MED12L: variants seen among roughly 807,000 people sequenced by gnomAD.
MED12L encodes the protein mediator complex subunit 12L, also known as mediator of RNA polymerase II transcription subunit 12-like protein.
In MED12L, 60 loss-of-function variants were observed where a neutral mutation model predicts 281.3. The ratio of observed to expected loss-of-function variants is 0.21; its 90% CI spans 0.17 to 0.26. MED12L has a LOEUF of 0.26. Among genes scored for constraint, MED12L ranks in the 10% least tolerant of loss-of-function variants. The pLI is 1.00. For synonymous variants in MED12L, 974 were observed against 987.2 expected (o/e 0.99, Z 0.25); for missense variants, 2,146 against 2,680.9 (o/e 0.80, Z 4.41).
At chr3:151,099,409 C>T (rs1277732366) in intron 2 of MED12L, among the ~76,000 whole-genome samples, 1 of 151,880 alleles carries the variant, frequency 6.6e-6, no homozygotes, top group Non-Finnish European at 1.5e-5. Context: ...AATACATATT[C>T]ATTAAAAAAT....
At chr3:151,124,870 C>A (rs556743924) in intron 4 of MED12L, among the ~76,000 whole-genome samples, 6 of 152,342 alleles carry the variant, frequency 3.9e-5, no homozygotes, top group African/African-American at 1.2e-4. Context: ...TTCATTAACT[C>A]TCACCTGTTC....
At chr3:151,259,926 TC>T (rs1738538506) in intron 16 of MED12L, among the ~76,000 whole-genome samples, 1 of 152,246 alleles carries the variant, frequency 6.6e-6, no homozygotes. Flanking sequence ...GTATTTTAAT[TC>T]TAAGTTTGGA....
At chr3:151,254,353 C>A (rs1386562497) in intron 16 of MED12L, among the ~76,000 whole-genome samples, 1 of 152,190 alleles carries the variant, frequency 6.6e-6, no homozygotes, top group Non-Finnish European at 1.5e-5. Context: ...TTATTTATAG[C>A]AGAGGCTTAA....
intron 16 of MED12L, among the ~76,000 whole-genome samples, chr3:151,299,337 T>TTCC (rs1745543453): frequency 6.7e-6 from 1 of 148,862 alleles, no homozygotes; most frequent in Non-Finnish European, 1.5e-5. Context: ...TCTTTCCTTC[T>TTCC]TTCTTTCCTT....
chr3:151,376,896 A>G (rs200367171), intron 29 of MED12L, 22 bp downstream of exon 29: 48 of 1,612,932 alleles, frequency 3.0e-5, no homozygotes, highest in Non-Finnish European at 4.1e-5. Context: ...TTGAAAGCTT[A>G]TCTCTGTATG....
intron 2 of MED12L, among the ~76,000 whole-genome samples, chr3:151,115,693 A>G (rs1422916906): frequency 6.6e-6 from 1 of 151,834 alleles, no homozygotes; most frequent in African/African-American, 2.4e-5. Flanking sequence ...TTTCGGTGAG[A>G]TTTTTGCTCA....
chr3:151,348,026 G>A lies in MED12L; in HGVS notation c.2251-2033G>A, dbSNP rs76987902. Among the ~76,000 whole-genome samples the A allele has an allele frequency of 4.1e-3, 623 of 152,184 alleles. 6 individuals are homozygous for A. The highest frequency in any genetic ancestry group is 0.014 in the African/African-American group (597 of 41,544). On this transcript the variant is annotated intron_variant, in intron 16 of 44. Transcript: ENST00000687756. ...TGCTTTCCTTCACCACCCCTCTTTG[G>A]ACTTCTAGGTCTGTAAATACTACTT...
chr3:151,253,122 C>T (rs1230205273), intron 16 of MED12L, among the ~76,000 whole-genome samples: 2 of 152,164 alleles, frequency 1.3e-5, no homozygotes, highest in African/African-American at 4.8e-5. Flanking sequence ...AATCCACTAG[C>T]ATGCAGCTAA....
chr3:151,124,238 C>T (rs1714170686), intron 4 of MED12L, among the ~76,000 whole-genome samples: 1 of 152,156 alleles, frequency 6.6e-6, no homozygotes, highest in African/African-American at 2.4e-5. Flanking sequence ...AGTTGATGCC[C>T]TTGCTCTAGC....
At chr3:151,238,233 G>A (rs553466968) in intron 16 of MED12L, among the ~76,000 whole-genome samples, 74 of 151,894 alleles carry the variant, frequency 4.9e-4, no homozygotes, top group African/African-American at 1.5e-3. Context: ...TGCATCCTCC[G>A]CCTCCCAGGT....
At chr3:151,152,103 T>G (rs1718619386) in intron 5 of MED12L, among the ~76,000 whole-genome samples, 1 of 127,460 alleles carries the variant, frequency 7.8e-6, no homozygotes, top group African/African-American at 3.2e-5. Flanking sequence ...TTTTTTTTTT[T>G]TTTTTTTTTT....
chr3:151,165,600 A>G (rs1386011843), intron 10 of MED12L, 81 bp downstream of exon 10: 4 of 1,242,876 alleles, frequency 3.2e-6, no homozygotes, highest in East Asian at 2.4e-5. Flanking sequence ...ACCATTCCAC[A>G]TGAATAAGGC....
intron 2 of MED12L, among the ~76,000 whole-genome samples, chr3:151,107,839 C>T (rs1197742763): frequency 1.3e-5 from 2 of 152,114 alleles, no homozygotes; most frequent in African/African-American, 2.4e-5. Context: ...GATCAGTTAT[C>T]TTAGTCTCAA....
At chr3:151,334,198 T>TTTTTTTTTTTGCCA (rs1222735809) in intron 16 of MED12L, among the ~76,000 whole-genome samples, 1 of 144,582 alleles carries the variant, frequency 6.9e-6, no homozygotes, top group African/African-American at 2.5e-5. Context: ...CTTTCTTTCT[T>TTTTTTTTTTTGCCA]TTTTTTTTTG....
rs200450084 is a variant in MED12L, at chr3:151,165,827, G to A, written c.1358-19G>A. 4.4e-6 allele frequency: 7 copies of A among 1,606,646 alleles called. No homozygotes were observed. Among genetic ancestry groups the A allele is most frequent in the African/African-American group, 2.7e-5 (2 of 74,610 alleles). Reference sequence around the variant, plus strand: ...TTATTTTTGGCCTCATTAACCACTTGTTTAATTTCTGCCTATAGGGGTGAC... The same window carrying A: ...TTATTTTTGGCCTCATTAACCACTTATTTAATTTCTGCCTATAGGGGTGAC... On this transcript the variant is annotated intron_variant, in intron 10 of 44. Coordinates refer to ENST00000687756, the MANE Select transcript of MED12L (RefSeq NM_001393769.1).
At chr3:151,205,524 C>T (rs1188381578) in intron 16 of MED12L, among the ~76,000 whole-genome samples, 1 of 151,940 alleles carries the variant, frequency 6.6e-6, no homozygotes, top group African/African-American at 2.4e-5. Flanking sequence ...TTAAAATGTG[C>T]TTTTTCGGCA....
chr3:151,345,517 CTTTTTT>C (rs201731496), intron 16 of MED12L, among the ~76,000 whole-genome samples: 1 of 131,652 alleles, frequency 7.6e-6, no homozygotes, highest in Non-Finnish European at 1.6e-5. Context: ...TTTTCTTTTT[CTTTTTT>C]TTTTTTTTTT....
At chr3:151,151,031 C>CT (rs573419924) in intron 5 of MED12L, among the ~76,000 whole-genome samples, 334 of 32,864 alleles carry the variant, frequency 0.01, 99 homozygotes, top group East Asian at 0.085. Context: ...GCTGAAGTAG[C>CT]TTTTTTTTTT....
intron 16 of MED12L, among the ~76,000 whole-genome samples, chr3:151,260,165 G>C (rs889323075): frequency 3.9e-5 from 6 of 152,134 alleles, no homozygotes; most frequent in Admixed American, 3.3e-4. Flanking sequence ...ATGAGGGCTA[G>C]TAAACTTAAT....
Sources: gnomAD v4.1 joint callset for allele counts (sites outside exome capture counted in the v4.1 genomes callset) on GRCh38, gnomAD v4.1.1 for gene constraint, MANE v1.5 for transcripts, NCBI Gene and HGNC (gene_info 2026-07-23, HGNC 2026-07-21) for gene names.